Variants in GNAQ observed in about 807,000 individuals in gnomAD.
GNAQ encodes the protein guanine nucleotide-binding protein G(q) subunit alpha.
A neutral mutation model predicts 43.9 loss-of-function variants in GNAQ; 8 were observed. That is an observed-to-expected ratio of 0.18 (90% CI 0.11 to 0.33). The LOEUF is 0.33. Ranked by LOEUF, GNAQ falls within the 10% of genes least tolerant of loss-of-function variation. The probability of loss-of-function intolerance (pLI) is 1.00; values close to 1 mark genes in which losing one functional copy is unlikely to be tolerated. For synonymous variants in GNAQ, 155 were observed against 170.7 expected (o/e 0.91, Z 0.71); for missense variants, 158 against 450.8 (o/e 0.35, Z 5.88).
intron 1 of GNAQ, among the ~76,000 whole-genome samples, chr9:78,020,045 C>T (rs1320097514): frequency 6.6e-6 from 1 of 151,906 alleles, no homozygotes; most frequent in Non-Finnish European, 1.5e-5. Context: ...CAAGAGAATA[C>T]ATCCAATTGA....
At chr9:77,729,964 T>C (rs1253023900) in intron 5 of GNAQ, among the ~76,000 whole-genome samples, 1 of 152,212 alleles carries the variant, frequency 6.6e-6, no homozygotes, top group African/African-American at 2.4e-5. Flanking sequence ...GCACTTTTGC[T>C]GGGAACTCTG....
chr9:77,764,459 CTTT>C (rs1033785301), intron 5 of GNAQ, among the ~76,000 whole-genome samples: 2 of 144,408 alleles, frequency 1.4e-5, no homozygotes, highest in Non-Finnish European at 3.1e-5. Flanking sequence ...TCTGAAAATA[CTTT>C]TTTTTTTTTT....
At chr9:78,022,176 C>T (rs1189922200) in intron 1 of GNAQ, among the ~76,000 whole-genome samples, 3 of 152,194 alleles carry the variant, frequency 2.0e-5, no homozygotes, top group South Asian at 2.1e-4. Flanking sequence ...CCCACCAGAC[C>T]TGGCAATGCC....
chr9:78,028,659 T>C (rs1824011957), intron 1 of GNAQ, among the ~76,000 whole-genome samples: 1 of 152,212 alleles, frequency 6.6e-6, no homozygotes, highest in Admixed American at 6.5e-5. Flanking sequence ...AAACTGTGAA[T>C]GGATACATCT....
At chr9:77,850,447 C>G (rs1206787135) in intron 2 of GNAQ, among the ~76,000 whole-genome samples, 1 of 152,174 alleles carries the variant, frequency 6.6e-6, no homozygotes, top group East Asian at 1.9e-4. Context: ...GCCACAGCAA[C>G]AGTGTCTATG....
chr9:78,024,004 C>T (rs1823945222), intron 1 of GNAQ, among the ~76,000 whole-genome samples: 1 of 140,508 alleles, frequency 7.1e-6, no homozygotes, highest in Non-Finnish European at 1.6e-5. Flanking sequence ...AACTGCACCA[C>T]AATCCATTAC....
chr9:78,005,139 C>T (rs1423056474), intron 1 of GNAQ, among the ~76,000 whole-genome samples: 1 of 152,158 alleles, frequency 6.6e-6, no homozygotes. Context: ...GCAGCCCTCA[C>T]CTCACGGGCT....
intron 2 of GNAQ, among the ~76,000 whole-genome samples, chr9:77,882,915 T>C (rs549499311): frequency 3.3e-4 from 51 of 152,352 alleles, no homozygotes; most frequent in Admixed American, 7.8e-4. Flanking sequence ...ATTCTCATGA[T>C]TTCCATACCA....
chr9:77,733,782 C>T (rs1164692967), intron 5 of GNAQ, among the ~76,000 whole-genome samples: 1 of 152,164 alleles, frequency 6.6e-6, no homozygotes, highest in Non-Finnish European at 1.5e-5. Flanking sequence ...AGGCCCAAAG[C>T]AGTGATAAGT....
At chr9:77,903,955 C>T (rs906541169) in intron 2 of GNAQ, among the ~76,000 whole-genome samples, 4 of 152,048 alleles carry the variant, frequency 2.6e-5, no homozygotes, top group African/African-American at 9.7e-5. Context: ...ACAAAAAAAT[C>T]TTGTGAAATC....
At chr9:77,999,292 C>T (rs958941885) in intron 1 of GNAQ, among the ~76,000 whole-genome samples, 5 of 152,006 alleles carry the variant, frequency 3.3e-5, no homozygotes, top group African/African-American at 7.3e-5. Context: ...TTACTCCATC[C>T]GGGAAGTTAT....
chr9:77,995,782 T>C (rs1823560135), intron 1 of GNAQ, among the ~76,000 whole-genome samples: 1 of 152,138 alleles, frequency 6.6e-6, no homozygotes, highest in African/African-American at 2.4e-5. Flanking sequence ...TGACCCAACA[T>C]AACATTCTTA....
At chr9:77,777,492 C>T (rs776884753) in intron 5 of GNAQ, among the ~76,000 whole-genome samples, 1 of 151,976 alleles carries the variant, frequency 6.6e-6, no homozygotes, top group Non-Finnish European at 1.5e-5. Flanking sequence ...AAATAGACAA[C>T]CTGAACTTCA....
chr9:77,735,790 C>T (rs1825569727), intron 5 of GNAQ, among the ~76,000 whole-genome samples: 1 of 152,124 alleles, frequency 6.6e-6, no homozygotes, highest in Non-Finnish European at 1.5e-5. Context: ...CAATGTGGCC[C>T]AGTGGTGACA....
At chr9:77,733,583 A>G (rs7849507) in intron 5 of GNAQ, among the ~76,000 whole-genome samples, 151,513 of 152,298 alleles carry the variant, frequency 0.99, 75,369 homozygotes, top group East Asian at 1. Context: ...GTTCTTTCCC[A>G]AGCCCCATTG....
At chr9:77,862,272 C>A (rs2117979585) in intron 2 of GNAQ, among the ~76,000 whole-genome samples, 1 of 152,194 alleles carries the variant, frequency 6.6e-6, no homozygotes, top group Non-Finnish European at 1.5e-5. Context: ...TGTGTGGGGG[C>A]TCTGACCTCA....
intron 2 of GNAQ, among the ~76,000 whole-genome samples, chr9:77,850,568 T>C (rs929136642): frequency 6.6e-6 from 1 of 152,166 alleles, no homozygotes; most frequent in Admixed American, 6.5e-5. Context: ...TTAAAGCCTT[T>C]CCACAGCTCC....
chr9:77,996,928 A>G (rs569652052), intron 1 of GNAQ, among the ~76,000 whole-genome samples: 1 of 152,284 alleles, frequency 6.6e-6, no homozygotes, highest in South Asian at 2.1e-4. Context: ...ACATAGCATT[A>G]AAGATCAACA....
At chr9:77,893,383 A>T (rs757143683) in intron 2 of GNAQ, among the ~76,000 whole-genome samples, 13 of 152,178 alleles carry the variant, frequency 8.5e-5, no homozygotes, top group Non-Finnish European at 5.9e-5. Flanking sequence ...ATGCCATGGC[A>T]ATGTTCAGAA....
Sources: allele counts gnomAD v4.1 joint callset (sites outside exome capture counted in the v4.1 genomes callset), GRCh38; gene constraint gnomAD v4.1.1; transcripts MANE v1.5; gene names NCBI Gene and HGNC (gene_info 2026-07-23, HGNC 2026-07-21).